The following ERC2 variants were observed in gnomAD, a reference collection of about 807,000 sequenced individuals.
ERC2 encodes ELKS/RAB6-interacting/CAST family member 2.
In ERC2, 42 loss-of-function variants were observed where a neutral mutation model predicts 114.8. The observed-to-expected ratio is 0.37, with a 90% CI of 0.29 to 0.47. ERC2 has a LOEUF of 0.47. ERC2 is among the 20% of genes least tolerant of loss of function. The pLI, the probability that ERC2 is intolerant of heterozygous loss-of-function variation, is 0.99. For missense variants in ERC2, 939 were observed against 1,150.7 expected (o/e 0.82, Z 2.66); for synonymous variants, 454 against 425.5 (o/e 1.07, Z -0.82).
At chr3:56,291,374 A>T (rs2055074432) in intron 3 of ERC2, among the ~76,000 whole-genome samples, 3 of 152,210 alleles carry the variant, frequency 2.0e-5, no homozygotes, top group African/African-American at 7.2e-5. Flanking sequence ...TGGTCTTCCA[A>T]GTAAGTTGAG....
chr3:56,358,054 A>G (rs192391484), intron 2 of ERC2, among the ~76,000 whole-genome samples: 1 of 152,208 alleles, frequency 6.6e-6, no homozygotes, highest in African/African-American at 2.4e-5. Context: ...CCTGATAACA[A>G]AGTAATCAAT....
intron 13 of ERC2, among the ~76,000 whole-genome samples, chr3:55,892,392 C>T (rs528279807): frequency 6.6e-5 from 10 of 152,240 alleles, no homozygotes; most frequent in African/African-American, 1.4e-4. Flanking sequence ...CGTGGTGACA[C>T]GCACCTAGAG....
At chr3:55,952,177 ACACTCTCTC>A (rs2067605667) in intron 12 of ERC2, among the ~76,000 whole-genome samples, 1 of 38,684 alleles carries the variant, frequency 2.6e-5, no homozygotes, top group Non-Finnish European at 6.3e-5. Flanking sequence ...ACACACACAC[ACACTCTCTC>A]TCTCTCTCTC....
At chr3:55,610,060 C>CAAAAAA (rs1172154104) in intron 17 of ERC2, among the ~76,000 whole-genome samples, 8 of 50,442 alleles carry the variant, frequency 1.6e-4, no homozygotes, top group East Asian at 1.3e-3. Flanking sequence ...CAAACAAACA[C>CAAAAAA]AAACAAAAAA....
chr3:56,372,497 G>A (rs1307772679), intron 2 of ERC2, among the ~76,000 whole-genome samples: 1 of 152,130 alleles, frequency 6.6e-6, no homozygotes, highest in Non-Finnish European at 1.5e-5. Flanking sequence ...GGAGGCTGAG[G>A]CAGGCAGATC....
At chr3:56,340,263 T>A (rs2058034164) in intron 2 of ERC2, among the ~76,000 whole-genome samples, 1 of 152,168 alleles carries the variant, frequency 6.6e-6, no homozygotes, top group Non-Finnish European at 1.5e-5. Context: ...TATATCCTGA[T>A]AGATACCTAG....
chr3:55,770,127 C>A (rs1355690170), intron 14 of ERC2, among the ~76,000 whole-genome samples: 6 of 152,112 alleles, frequency 3.9e-5, no homozygotes, highest in Non-Finnish European at 7.4e-5. Context: ...TTTTTCTCTG[C>A]CAGGAGAATG....
intron 14 of ERC2, among the ~76,000 whole-genome samples, chr3:55,873,487 T>G (rs2149287673): frequency 6.6e-6 from 1 of 152,360 alleles, no homozygotes; most frequent in South Asian, 2.1e-4. Context: ...ATCTTTACAC[T>G]GTAGTTATTT....
chr3:56,258,637 C>G (rs905162669), intron 3 of ERC2, among the ~76,000 whole-genome samples: 2 of 152,146 alleles, frequency 1.3e-5, no homozygotes, highest in African/African-American at 2.4e-5. Flanking sequence ...CTGGGCAACA[C>G]AGCGAGACTC....
At chr3:55,986,974 A>G (rs977858064) in intron 11 of ERC2, among the ~76,000 whole-genome samples, 1 of 152,118 alleles carries the variant, frequency 6.6e-6, no homozygotes, top group African/African-American at 2.4e-5. Context: ...TCCATACTAT[A>G]AAAAAGTAGT....
chr3:56,214,707 T>G (rs1230320384), intron 3 of ERC2, among the ~76,000 whole-genome samples: 31 of 151,878 alleles, frequency 2.0e-4, no homozygotes, highest in East Asian at 5.8e-4. Flanking sequence ...TCACCAAAGT[T>G]GAAATGAAGG....
intron 13 of ERC2, among the ~76,000 whole-genome samples, chr3:55,890,090 A>G (rs2063533697): frequency 6.6e-6 from 1 of 152,250 alleles, no homozygotes; most frequent in South Asian, 2.1e-4. Flanking sequence ...ACTGTAGAGT[A>G]AATTGAATTA....
intron 3 of ERC2, among the ~76,000 whole-genome samples, chr3:56,201,339 C>T (rs547121): frequency 0.98 from 148,857 of 152,346 alleles, 72,837 homozygotes; most frequent in East Asian, 1. Flanking sequence ...GTGAAAATGC[C>T]CATTTAGTTT....
chr3:56,231,644 A>G lies in ERC2; in HGVS notation c.1075-58124T>C, dbSNP rs1203368188. Among the ~76,000 whole-genome samples the G allele has an allele frequency of 2.6e-5, 4 of 152,354 alleles. No homozygotes were observed. In the East Asian group the frequency reaches 7.7e-4, roughly 29 times the overall value. On this transcript the variant is annotated intron_variant, in intron 3 of 17. Transcript: ENST00000288221. Reference sequence around the variant, plus strand: ...AGACAATTATACAGAGGTTAGAGTTATGATACATTTATCTGCACTGAACAT... The same window carrying G: ...AGACAATTATACAGAGGTTAGAGTTGTGATACATTTATCTGCACTGAACAT...
chr3:55,730,906 A>G (rs1302888285), intron 15 of ERC2, among the ~76,000 whole-genome samples: 3 of 152,154 alleles, frequency 2.0e-5, no homozygotes, highest in African/African-American at 4.8e-5. Context: ...CTGCCTCAAC[A>G]TCTGCACAGA....
chr3:55,877,678 AC>A (rs1365717854), intron 14 of ERC2, among the ~76,000 whole-genome samples: 1 of 151,496 alleles, frequency 6.6e-6, no homozygotes, highest in East Asian at 1.9e-4. Context: ...TGCCTGGCTA[AC>A]TTTTTGTATT....
intron 3 of ERC2, among the ~76,000 whole-genome samples, chr3:56,231,351 A>C (rs2150177300): frequency 6.6e-6 from 1 of 152,342 alleles, no homozygotes; most frequent in Middle Eastern, 3.4e-3. Flanking sequence ...CTCAATATAC[A>C]AAAGACTTTC....
At chr3:55,959,325 A>C (rs1363015769) in intron 12 of ERC2, among the ~76,000 whole-genome samples, 1 of 152,186 alleles carries the variant, frequency 6.6e-6, no homozygotes, top group African/African-American at 2.4e-5. Context: ...CCTCCCCCAA[A>C]TATGGATGTA....
intron 17 of ERC2, among the ~76,000 whole-genome samples, chr3:55,642,087 T>C (rs2060208216): frequency 6.6e-6 from 1 of 152,202 alleles, no homozygotes; most frequent in South Asian, 2.1e-4. Context: ...TGGCCCAAGA[T>C]AGGCACTCAA....
Sources: gnomAD v4.1 joint callset for allele counts (sites outside exome capture counted in the v4.1 genomes callset) on GRCh38, gnomAD v4.1.1 for gene constraint, MANE v1.5 for transcripts, NCBI Gene and HGNC (gene_info 2026-07-23, HGNC 2026-07-21) for gene names.